The following IL1RAPL1 variants were observed in gnomAD, a reference collection of about 807,000 sequenced individuals.
The protein encoded by IL1RAPL1 is interleukin 1 receptor accessory protein like 1.
In IL1RAPL1, 3 loss-of-function variants were observed where a neutral mutation model predicts 48.4. That is an observed-to-expected ratio of 0.06 (90% CI 0.03 to 0.16). The LOEUF is 0.16. IL1RAPL1 is among the 10% of genes least tolerant of loss of function. The pLI is 1.00. For missense variants in IL1RAPL1, 349 were observed against 530.6 expected, an observed-to-expected ratio of 0.66 and a Z score of 3.36; for synonymous variants, 185 against 187.7, an observed-to-expected ratio of 0.99 and a Z score of 0.12.
intron 5 of IL1RAPL1, among the ~76,000 whole-genome samples, chrX:29,521,148 C>T (rs1365681633): frequency 8.9e-6 from 1 of 112,303 alleles, no homozygotes; most frequent in East Asian, 2.8e-4. Flanking sequence ...AAATATTTGT[C>T]GTATTTCTTT....
intron 6 of IL1RAPL1, among the ~76,000 whole-genome samples, chrX:29,734,342 T>C (rs1927993844): frequency 8.9e-6 from 1 of 112,366 alleles, no homozygotes; most frequent in African/African-American, 3.2e-5. Context: ...CACAGATATG[T>C]GTTACATACA....
chrX:28,669,656 T>A (rs972737774), intron 1 of IL1RAPL1, among the ~76,000 whole-genome samples: 2 of 103,568 alleles, frequency 1.9e-5, no homozygotes, highest in Non-Finnish European at 3.9e-5. Context: ...CTTATATATA[T>A]AAATTATTTA....
At chrX:28,789,733 A>AT (rs1359593735) in intron 2 of IL1RAPL1, among the ~76,000 whole-genome samples, 2 of 111,751 alleles carry the variant, frequency 1.8e-5, no homozygotes, top group African/African-American at 6.5e-5. Context: ...GTGTTATTTA[A>AT]TTTTTTGCAT....
intron 2 of IL1RAPL1, among the ~76,000 whole-genome samples, chrX:29,272,432 A>G (rs779022610): frequency 8.5e-4 from 95 of 111,554 alleles, no homozygotes; most frequent in African/African-American, 3.0e-3. Context: ...TTGGCTGGAT[A>G]TGAGATTCTT....
At chrX:29,106,567 A>C (rs1314166931) in intron 2 of IL1RAPL1, among the ~76,000 whole-genome samples, 1 of 111,945 alleles carries the variant, frequency 8.9e-6, no homozygotes, top group East Asian at 2.8e-4. Context: ...ATGTGATTCA[A>C]TGAAGATTCA....
At chrX:29,354,440 T>C (rs1051329346) in intron 3 of IL1RAPL1, among the ~76,000 whole-genome samples, 1 of 112,048 alleles carries the variant, frequency 8.9e-6, no homozygotes, top group Non-Finnish European at 1.9e-5. Context: ...AGCACACTTA[T>C]GTTAGCCTAC....
intron 3 of IL1RAPL1, among the ~76,000 whole-genome samples, chrX:29,347,352 A>G (rs1366954853): frequency 5.5e-5 from 6 of 109,458 alleles, no homozygotes; most frequent in Non-Finnish European, 7.6e-5. Context: ...AGATCTTAGC[A>G]AACAGTATAT....
At chrX:29,260,556 C>T (rs1182575275) in intron 2 of IL1RAPL1, among the ~76,000 whole-genome samples, 1 of 111,614 alleles carries the variant, frequency 9.0e-6, no homozygotes, top group Non-Finnish European at 1.9e-5. Context: ...ATTATCTCCA[C>T]CTGGCCCCGC....
intron 6 of IL1RAPL1, among the ~76,000 whole-genome samples, chrX:29,808,973 A>G (rs947120877): frequency 1.8e-5 from 2 of 110,817 alleles, no homozygotes; most frequent in African/African-American, 6.6e-5. Flanking sequence ...TGGATTTGAT[A>G]TTTGCTTTGT....
At chrX:29,472,278 C>A (rs1934929587) in intron 5 of IL1RAPL1, among the ~76,000 whole-genome samples, 1 of 111,618 alleles carries the variant, frequency 9.0e-6, no homozygotes, top group African/African-American at 3.3e-5. Flanking sequence ...CCTCCTGTCA[C>A]CATGGCTGTT....
At chrX:29,873,449 T>C (rs1931841381) in intron 6 of IL1RAPL1, among the ~76,000 whole-genome samples, 2 of 104,219 alleles carry the variant, frequency 1.9e-5, no homozygotes, top group Non-Finnish European at 3.9e-5. Flanking sequence ...CCTTTAGGAG[T>C]TGATTAGGCT....
At chrX:29,519,890 A>G (rs1199856484) in intron 5 of IL1RAPL1, among the ~76,000 whole-genome samples, 1 of 111,786 alleles carries the variant, frequency 8.9e-6, no homozygotes, top group Non-Finnish European at 1.9e-5. Flanking sequence ...TAACCTGTTC[A>G]TTAATACCAT....
At chrX:28,769,418 C>T (rs1936286967) in intron 1 of IL1RAPL1, among the ~76,000 whole-genome samples, 1 of 110,798 alleles carries the variant, frequency 9.0e-6, no homozygotes, top group South Asian at 3.8e-4. Context: ...TAGACCCCAA[C>T]TCTCAATGAA....
chrX:29,803,354 C>T lies in IL1RAPL1; in HGVS notation c.779-114110C>T, dbSNP rs185230783. 1.8e-3 allele frequency among the ~76,000 whole-genome samples: 134 copies of T among 76,252 alleles called. 8 individuals carry two copies. The highest frequency in any genetic ancestry group is 0.015 in the East Asian group (34 of 2,239). 66.2% of individuals were successfully genotyped at this position (76,252 alleles called of 115,157 possible). The stretch of plus-strand genomic sequence containing the variant: ...GTATACACATATGTATATATGTATA[C>T]ATGTATACACATATGTATATATGTA... On this transcript the variant is annotated intron_variant, in intron 6 of 10. Transcript: ENST00000378993.
At chrX:29,380,065 C>T (rs1356920311) in intron 3 of IL1RAPL1, among the ~76,000 whole-genome samples, 2 of 110,241 alleles carry the variant, frequency 1.8e-5, no homozygotes, top group Non-Finnish European at 3.8e-5. Flanking sequence ...ACTCCAGGCT[C>T]ATTCATGTTA....
chrX:29,301,357 T>C (rs1247273811), intron 3 of IL1RAPL1, among the ~76,000 whole-genome samples: 2 of 112,114 alleles, frequency 1.8e-5, no homozygotes, highest in Non-Finnish European at 3.8e-5. Context: ...TTGACTTTCT[T>C]GTTAGGGGAG....
At chrX:29,918,905 T>C (rs1198750339) in intron 7 of IL1RAPL1, among the ~76,000 whole-genome samples, 3 of 112,352 alleles carry the variant, frequency 2.7e-5, no homozygotes, top group Admixed American at 9.4e-5. Context: ...ATAAGTAAGT[T>C]ACAACCACAT....
intron 5 of IL1RAPL1, among the ~76,000 whole-genome samples, chrX:29,581,326 C>T (rs948755908): frequency 1.8e-5 from 2 of 112,310 alleles, no homozygotes; most frequent in East Asian, 5.6e-4. Flanking sequence ...CTCCCACATT[C>T]GTCACATTAG....
Position 29,399,231 on chromosome X carries a change from A to G in IL1RAPL1, c.626A>G (p.Asp209Gly). ...DTLLIREVRE[D>G]DIGNYTCELK... Reference sequence around the variant, plus strand: ...CTGCTTATAAGAGAAGTCAGAGAAGATGACATTGGAAATTATACCTGTGAA... The same window carrying G: ...CTGCTTATAAGAGAAGTCAGAGAAGGTGACATTGGAAATTATACCTGTGAA... Residue 209 changes from aspartate to glycine, a missense_variant, in exon 5 of 11, where the codon GAT becomes GGT. Coordinates refer to ENST00000378993, the MANE Select transcript of IL1RAPL1 (RefSeq NM_014271.4). The G allele has an allele frequency of 8.4e-7, 1 of 1,191,839 alleles. No homozygotes were observed. Among genetic ancestry groups the G allele is most frequent in the Non-Finnish European group, 1.1e-6 (1 of 877,471 alleles).
Sources: gnomAD v4.1 joint callset for allele counts (sites outside exome capture counted in the v4.1 genomes callset) on GRCh38, gnomAD v4.1.1 for gene constraint, MANE v1.5 for transcripts, NCBI Gene and HGNC (gene_info 2026-07-23, HGNC 2026-07-21) for gene names.